Variants in PPT2 observed in about 807,000 individuals in gnomAD.
PPT2 encodes the protein lysosomal thioesterase PPT2.
A neutral mutation model predicts 37.3 loss-of-function variants in PPT2; 20 were observed. The ratio of observed to expected loss-of-function variants is 0.54; its 90% confidence interval spans 0.38 to 0.78. The LOEUF (loss-of-function observed/expected upper bound fraction) is 0.78. PPT2 is among the 30% of genes least tolerant of loss of function. The pLI is 0.00. For missense variants in PPT2, 270 were observed against 389.8 expected (o/e 0.69, Z 2.59); for synonymous variants, 135 against 159.1 (o/e 0.85, Z 1.14).
Position 32,154,284 on chromosome 6 carries a change from C to T in PPT2, c.-129C>T. 1 of 1,334,854 alleles carries T rather than the reference C, an allele frequency of 7.5e-7. No homozygotes were observed. Among genetic ancestry groups the T allele is most frequent in the Non-Finnish European group, 9.6e-7 (1 of 1,045,454 alleles). The allele number at this position is 1,334,854 out of a possible 1,614,324, so 82.7% of individuals were successfully genotyped here. ...ACTCTTCAAGGGGCCTGGGCTGCTG[C>T]TCACGGGTATTAAAGAACTCCGCGT... On this transcript the variant is annotated 5_prime_UTR_variant, in exon 1 of 9. Coordinates refer to ENST00000324816, the MANE Select transcript of PPT2 (RefSeq NM_005155.7). This position sits in a 1 kb window ranked among gnomAD's most constrained non-coding sequence, Gnocchi z 7.3.
rs1784290968 is a variant in PPT2 at position 32,163,312 on chromosome 6, C to T, written c.*362C>T. On this transcript the variant is annotated 3_prime_UTR_variant, in exon 9 of 9. Coordinates refer to ENST00000324816, the MANE Select transcript of PPT2 (RefSeq NM_005155.7). ...GCTGTATGGGTGGAGAACCCACCCC[C>T]TGCCCACCACAGGGGTCTCCTTCCA... 1 of 250,566 alleles carries T rather than the reference C, an allele frequency of 4.0e-6. No homozygotes were observed. The highest frequency in any genetic ancestry group is 2.2e-5 in the African/African-American group (1 of 44,808). 15.5% of individuals were successfully genotyped at this position (250,566 alleles called of 1,614,324 possible).
rs1357747924 is a variant in PPT2 at position 32,161,906 on chromosome 6, T to TG, written c.711-658dup. 9.3e-5 allele frequency among the ~76,000 whole-genome samples: 14 copies of TG among 150,228 alleles called. No individual in the cohort carries two copies. In the East Asian group the frequency reaches 2.8e-3, roughly 31 times the overall value. On this transcript the variant is annotated intron_variant, in intron 7 of 8. Coordinates refer to ENST00000324816, the MANE Select transcript of PPT2 (RefSeq NM_005155.7). ...GCTAATTTTGTATTTTTAGTAGAGATGGGGTTTCACCACGTTGGCCAGGCT... is the reference window on the plus strand; with the variant it reads ...GCTAATTTTGTATTTTTAGTAGAGATGGGGGTTTCACCACGTTGGCCAGGCT...
intron 7 of PPT2, 141 bp downstream of exon 7, chr6:32,158,065 C>A: frequency 1.4e-6 from 1 of 725,208 alleles, no homozygotes; most frequent in South Asian, 1.9e-5. Context: ...CACCCAAGAC[C>A]AAAACCTGGG....
At position 32,163,577 on chromosome 6, in the gene PPT2, CT is replaced by C. The variant is rs1172203137; in HGVS notation, c.*628del. The C allele has an allele frequency of 2.0e-5, 3 of 152,956 alleles. No homozygotes were observed. The highest frequency in any genetic ancestry group is 3.8e-4 in the East Asian group (2 of 5,202). 9.5% of individuals were successfully genotyped at this position (152,956 alleles called of 1,614,324 possible). On this transcript the variant is annotated 3_prime_UTR_variant, in exon 9 of 9. Transcript: ENST00000324816. ...CTATGATCAGTGTTGGAGTACCCCC[CT>C]GGGAGAGCCTAGTTTCTTTGAGGCC...
At chr6:32,154,118 G>A (rs1047046287), upstream of PPT2, 3 of 1,083,990 alleles carry the variant, frequency 2.8e-6, no homozygotes, top group African/African-American at 1.7e-5. The surrounding 1 kb of genome is among the most constrained non-coding windows in gnomAD (Gnocchi z 7.3). Flanking sequence ...ACCCCAAGCA[G>A]CCCGCCCTTC....
In PPT2 at chr6:32,156,097, G is replaced by A; in HGVS notation, c.541+119G>A. ...TTACATTTATTGAGTTATTTGAACA[G>A]GCTCTGTTCAGAATTTTTTTTTTTT... On this transcript the variant is annotated intron_variant, in intron 5 of 8. Transcript: ENST00000324816. The surrounding 1 kb of genome is among the most constrained non-coding windows in gnomAD (Gnocchi z 4.9). The A allele has an allele frequency of 1.2e-6, 1 of 855,354 alleles. No individual in the cohort carries two copies. The allele number at this position is 855,354 out of a possible 1,614,324, so 53.0% of individuals were successfully genotyped here.
At chr6:32,158,539 G>A (rs1398604374) in intron 7 of PPT2, among the ~76,000 whole-genome samples, 53 of 152,162 alleles carry the variant, frequency 3.5e-4, no homozygotes, top group Admixed American at 2.9e-3. Context: ...CATTATGGGC[G>A]CAGGCTTGTT....
intron 7 of PPT2, among the ~76,000 whole-genome samples, chr6:32,159,058 A>T (rs1783972076): frequency 6.6e-6 from 1 of 152,034 alleles, no homozygotes; most frequent in East Asian, 1.9e-4. Context: ...GGCATTAAGT[A>T]TACTCACATC....
At chr6:32,159,765 A>G (rs1397063773) in intron 7 of PPT2, among the ~76,000 whole-genome samples, 1 of 147,234 alleles carries the variant, frequency 6.8e-6, no homozygotes, top group African/African-American at 2.5e-5. Flanking sequence ...CTTGTCGCCC[A>G]GGCTAGAGTG....
rs774142318 is a variant in PPT2 at position 32,154,799 on chromosome 6, T to C, written c.183+22T>C. ...TGAGGTCTGGCAGGGGACACCTGGG[T>C]GCAGGGCGTTAGAGGCGTCTACTGT... On this transcript the variant is annotated intron_variant, in intron 2 of 8. Coordinates refer to ENST00000324816, the MANE Select transcript of PPT2 (RefSeq NM_005155.7). This position sits in a 1 kb window ranked among gnomAD's most constrained non-coding sequence, Gnocchi z 7.3. 1.2e-6 allele frequency: 2 copies of C among 1,606,008 alleles called. No individual in the cohort carries two copies. Among genetic ancestry groups the C allele is most frequent in the East Asian group, 4.5e-5 (2 of 44,664 alleles).
In PPT2 at chr6:32,162,753, G is replaced by C; in HGVS notation, c.766-54G>C. 1 of 1,601,578 alleles carries C rather than the reference G, an allele frequency of 6.2e-7. No homozygotes were observed. Among genetic ancestry groups the C allele is most frequent in the African/African-American group, 1.3e-5 (1 of 74,660 alleles). Reference sequence around the variant, plus strand: ...CAGGATCCCAGCAGTAACTCACTTTGTCTCTCCTTGTGTCTCTCTTCCATG... The same window carrying C: ...CAGGATCCCAGCAGTAACTCACTTTCTCTCTCCTTGTGTCTCTCTTCCATG... On this transcript the variant is annotated intron_variant, in intron 8 of 8. Transcript: ENST00000324816. The surrounding 1 kb of genome is among the most constrained non-coding windows in gnomAD (Gnocchi z 5.5).
intron 5 of PPT2, 142 bp from the exon 6 acceptor site, chr6:32,157,495 G>A (rs1296884546): frequency 1.4e-6 from 1 of 708,828 alleles, no homozygotes; most frequent in Admixed American, 2.1e-5. Context: ...TTACAGGTGT[G>A]AGCCACCGCA....
rs1280415825 is a variant in PPT2, at chr6:32,154,649, C to T, written c.55C>T (p.Pro19Ser). ...LPAAWVLLLL[P>S]FLPLLLLAAP... Reference sequence around the variant, plus strand: ...CGCGGCGTGGGTCCTGCTTCTGTTGCCTTTCCTGCCGCTGCTGCTGCTTGC... The same window carrying T: ...CGCGGCGTGGGTCCTGCTTCTGTTGTCTTTCCTGCCGCTGCTGCTGCTTGC... Residue 19 changes from proline to serine, a missense_variant, in exon 2 of 9, where the codon CCT becomes TCT. Transcript: ENST00000324816. This position sits in a 1 kb window ranked among gnomAD's most constrained non-coding sequence, Gnocchi z 7.3. 1 of 1,612,774 alleles carries T rather than the reference C, an allele frequency of 6.2e-7. No homozygotes were observed. Among genetic ancestry groups the T allele is most frequent in the Admixed American group, 1.7e-5 (1 of 59,996 alleles).
intron 5 of PPT2, chr6:32,157,279 G>GGT (rs1203923249): frequency 1.2e-5 from 4 of 336,010 alleles, no homozygotes; most frequent in Non-Finnish European, 2.2e-5. Context: ...GGAGTGCAGT[G>GGT]GTGCAGTCTC....
rs1783709454 is a variant in PPT2 at position 32,155,513 on chromosome 6, TTGGCACAGGGTG to T, written c.338-172_338-161del. Among the ~76,000 whole-genome samples the T allele has an allele frequency of 6.6e-6, 1 of 151,828 alleles. No individual in the cohort carries two copies. ...AGTCACTTATATGATGTGTGACCTT[TTGGCACAGGGTG>T]TGCCTGCCTTCTGTAAGCCTCAGTC... On this transcript the variant is annotated intron_variant, in intron 3 of 8. Coordinates refer to ENST00000324816, the MANE Select transcript of PPT2 (RefSeq NM_005155.7). The surrounding 1 kb of genome is among the most constrained non-coding windows in gnomAD (Gnocchi z 4.3).
In PPT2 at chr6:32,154,900, G is replaced by C. The variant is rs1582604762; in HGVS notation, c.183+123G>C. 17 of 1,529,980 alleles carry C rather than the reference G, an allele frequency of 1.1e-5. No individual in the cohort carries two copies. The highest frequency in any genetic ancestry group is 1.5e-5 in the Non-Finnish European group (17 of 1,122,672). The allele number at this position is 1,529,980 out of a possible 1,614,324, so 94.8% of individuals were successfully genotyped here. A position where few individuals can be genotyped will look rare whatever the true frequency, so the allele number is the denominator to read the frequency against. ...AGTTCCTCAGGGAGCTGGTGCTGGC[G>C]TGGGGGAGAGTTGGGGGACGGGATC... is the stretch of plus-strand genomic sequence containing the variant. On this transcript the variant is annotated intron_variant, in intron 2 of 8. Transcript: ENST00000324816. This position sits in a 1 kb window ranked among gnomAD's most constrained non-coding sequence, Gnocchi z 7.3.
upstream of PPT2, chr6:32,153,895 G>A: frequency 1.6e-6 from 2 of 1,268,250 alleles, no homozygotes; most frequent in South Asian, 1.7e-5. The surrounding 1 kb of genome is among the most constrained non-coding windows in gnomAD (Gnocchi z 4.4). Flanking sequence ...GTCGCTGGGG[G>A]CAACGAAGCC....
At position 32,154,378 on chromosome 6, in the gene PPT2, T is replaced by C; in HGVS notation, c.-35T>C. The C allele has an allele frequency of 7.0e-7, 1 of 1,431,196 alleles. No individual in the cohort carries two copies. Among genetic ancestry groups the C allele is most frequent in the South Asian group, 1.5e-5 (1 of 64,966 alleles). 88.7% of individuals were successfully genotyped at this position (1,431,196 alleles called of 1,614,324 possible). A position where few individuals can be genotyped will look rare whatever the true frequency, so the allele number is the denominator to read the frequency against. ...AGAACAAGTCCCCCGAACGCTGAGT[T>C]GGAGGCGGGACTTCGGGTGCGCGTT... On this transcript the variant is annotated 5_prime_UTR_variant, in exon 1 of 9. Coordinates refer to ENST00000324816, the MANE Select transcript of PPT2 (RefSeq NM_005155.7). The surrounding 1 kb of genome is among the most constrained non-coding windows in gnomAD (Gnocchi z 7.3).
intron 7 of PPT2, among the ~76,000 whole-genome samples, chr6:32,158,714 C>T (rs537468777): frequency 3.3e-5 from 5 of 152,022 alleles, no homozygotes; most frequent in Admixed American, 1.3e-4. Flanking sequence ...CAATAGTGGC[C>T]GAAGAAGTCC....
Sources: gnomAD v4.1 joint callset for allele counts (sites outside exome capture counted in the v4.1 genomes callset) on GRCh38, gnomAD v4.1.1 for gene constraint, Gnocchi (gnomAD v3.1) non-coding constraint, MANE v1.5 for transcripts, NCBI Gene and HGNC (gene_info 2026-07-23, HGNC 2026-07-21) for gene names.